Variants in PCP4 observed in about 807,000 individuals in gnomAD.
PCP4 encodes Purkinje cell protein 4.
In PCP4, 8 loss-of-function variants were observed where a neutral mutation model predicts 10.0. That is an observed-to-expected ratio of 0.80 (90% CI 0.47 to 1.45). The LOEUF is 1.45. Among genes scored for constraint, PCP4 ranks in the 40% most tolerant of loss-of-function variants. PCP4 has a pLI of 0.00. For missense variants in PCP4, 54 were observed against 74.4 expected (o/e 0.73, Z 1.01); for synonymous variants, 21 against 23.0 (o/e 0.91, Z 0.24).
At chr21:39,907,175 T>C (rs922246178) in intron 2 of PCP4, among the ~76,000 whole-genome samples, 2 of 152,148 alleles carry the variant, frequency 1.3e-5, no homozygotes, top group African/African-American at 4.8e-5. Flanking sequence ...GTGGGCTGAA[T>C]TGTCCTCAAA....
At chr21:39,925,582 A>G (rs1170086427) in intron 2 of PCP4, among the ~76,000 whole-genome samples, 1 of 152,216 alleles carries the variant, frequency 6.6e-6, no homozygotes, top group African/African-American at 2.4e-5. Flanking sequence ...TAGCAATTGC[A>G]CCGTGAAGAA....
intron 1 of PCP4, among the ~76,000 whole-genome samples, chr21:39,882,887 C>T (rs1405696825): frequency 6.6e-6 from 1 of 152,232 alleles, no homozygotes; most frequent in Non-Finnish European, 1.5e-5. Context: ...CGAATCTCTT[C>T]TATTCTTCTC....
At chr21:39,896,763 T>C (rs2087458632) in intron 1 of PCP4, among the ~76,000 whole-genome samples, 1 of 152,184 alleles carries the variant, frequency 6.6e-6, no homozygotes, top group Admixed American at 6.5e-5. Context: ...ACATTTACCA[T>C]TAATTAAGGG....
intron 2 of PCP4, among the ~76,000 whole-genome samples, chr21:39,911,034 C>T (rs2087537715): frequency 6.6e-6 from 1 of 152,184 alleles, no homozygotes. Flanking sequence ...GATTCTGTGG[C>T]TGTCTCTTTC....
intron 2 of PCP4, among the ~76,000 whole-genome samples, chr21:39,918,679 A>G (rs1264717726): frequency 1.3e-5 from 2 of 152,230 alleles, no homozygotes; most frequent in East Asian, 3.9e-4. Context: ...GAACTTGCTC[A>G]TTAATCTCTG....
intron 1 of PCP4, among the ~76,000 whole-genome samples, chr21:39,890,578 A>G (rs962346737): frequency 2.0e-5 from 3 of 151,496 alleles, no homozygotes; most frequent in African/African-American, 7.3e-5. Context: ...CATGTTGGCC[A>G]GGCTGGTCTC....
At chr21:39,887,337 A>C (rs899103770) in intron 1 of PCP4, among the ~76,000 whole-genome samples, 1 of 50,742 alleles carries the variant, frequency 2.0e-5, no homozygotes, top group Non-Finnish European at 4.8e-5. Context: ...TTTTTAACCA[A>C]CTTTTTTTTT....
At chr21:39,881,450 T>C (rs1317714613) in intron 1 of PCP4, among the ~76,000 whole-genome samples, 1 of 152,092 alleles carries the variant, frequency 6.6e-6, no homozygotes, top group East Asian at 1.9e-4. Context: ...GTTAAACACA[T>C]GAAAAACACA....
chr21:39,896,710 T>C (rs1414208043), intron 1 of PCP4, among the ~76,000 whole-genome samples: 1 of 152,192 alleles, frequency 6.6e-6, no homozygotes, highest in East Asian at 1.9e-4. Flanking sequence ...ACTCTATTTA[T>C]TTATACCTCT....
chr21:39,871,179 T>TA (rs1165778071), intron 1 of PCP4, among the ~76,000 whole-genome samples: 5 of 152,096 alleles, frequency 3.3e-5, no homozygotes, highest in African/African-American at 4.8e-5. Context: ...AAACATGAAT[T>TA]AAAAAAATGT....
chr21:39,880,106 C>A (rs947836743), intron 1 of PCP4, among the ~76,000 whole-genome samples: 8 of 142,098 alleles, frequency 5.6e-5, no homozygotes, highest in African/African-American at 1.6e-4. Flanking sequence ...ATATCTATAT[C>A]TATCTATATC....
chr21:39,881,948 A>G (rs1441536935), intron 1 of PCP4, among the ~76,000 whole-genome samples: 1 of 152,170 alleles, frequency 6.6e-6, no homozygotes, highest in East Asian at 1.9e-4. Context: ...CTTGGGCATA[A>G]TCCTAAGCCT....
chr21:39,874,987 C>T (rs933939057), intron 1 of PCP4, among the ~76,000 whole-genome samples: 1 of 152,172 alleles, frequency 6.6e-6, no homozygotes, highest in Non-Finnish European at 1.5e-5. Context: ...TAACGCTACT[C>T]AGTAGAGTGT....
chr21:39,901,882 A>G (rs2087483759), intron 2 of PCP4, among the ~76,000 whole-genome samples: 1 of 152,220 alleles, frequency 6.6e-6, no homozygotes, highest in Non-Finnish European at 1.5e-5. Flanking sequence ...AAAAGGAGCA[A>G]AGACAAAAAC....
chr21:39,892,155 G>A lies in PCP4; in HGVS notation c.10-6321G>A, dbSNP rs150242625. On this transcript the variant is annotated intron_variant, in intron 1 of 2. Coordinates refer to ENST00000328619, the MANE Select transcript of PCP4 (RefSeq NM_006198.3). ...AGGAGCCCTCAAGCGGCCCCTATGC[G>A]GGCGTGACAGAGGGCTCACCTCTTG... Among the ~76,000 whole-genome samples the A allele has an allele frequency of 8.8e-3, 1,346 of 152,256 alleles. 10 individuals are homozygous for A. The highest frequency in any genetic ancestry group is 0.011 in the Non-Finnish European group (724 of 67,996).
intron 2 of PCP4, among the ~76,000 whole-genome samples, chr21:39,922,779 G>A (rs559257925): frequency 1.3e-5 from 2 of 152,360 alleles, no homozygotes; most frequent in South Asian, 2.1e-4. Flanking sequence ...TAATGTAGCA[G>A]TTCACGTAGC....
intron 1 of PCP4, among the ~76,000 whole-genome samples, chr21:39,875,426 C>G (rs1027020177): frequency 6.6e-6 from 1 of 152,180 alleles, no homozygotes; most frequent in Non-Finnish European, 1.5e-5. Flanking sequence ...ATGTCCAAGA[C>G]GGGCGATGGT....
intron 2 of PCP4, among the ~76,000 whole-genome samples, chr21:39,908,706 G>A (rs538250448): frequency 2.0e-5 from 3 of 152,080 alleles, no homozygotes; most frequent in South Asian, 4.2e-4. Context: ...GAGTGCCCGC[G>A]GCTCCAGGTG....
intron 1 of PCP4, among the ~76,000 whole-genome samples, chr21:39,871,309 A>G (rs887560082): frequency 5.3e-5 from 8 of 152,262 alleles, no homozygotes; most frequent in African/African-American, 7.2e-5. Context: ...AAGAAGAGAA[A>G]GATTATGGCT....
Sources: allele counts gnomAD v4.1 joint callset (sites outside exome capture counted in the v4.1 genomes callset), GRCh38; gene constraint gnomAD v4.1.1; transcripts MANE v1.5; gene names NCBI Gene and HGNC (gene_info 2026-07-23, HGNC 2026-07-21).